The following FHIT variants were observed in gnomAD, a reference collection of about 807,000 sequenced individuals.
FHIT encodes the protein bis(5'-adenosyl)-triphosphatase.
Under a neutral mutation model 17.9 loss-of-function variants are expected in FHIT, and 19 were observed. The ratio of observed to expected loss-of-function variants is 1.06; its 90% confidence interval spans 0.74 to 1.56. The LOEUF (loss-of-function observed/expected upper bound fraction) is 1.56. FHIT is among the 40% of genes most tolerant of loss of function. FHIT has a pLI of 0.00. For missense variants in FHIT, 248 were observed against 189.2 expected (o/e 1.31, Z -1.82); for synonymous variants, 81 against 69.7 (o/e 1.16, Z -0.81).
In FHIT at chr3:59,981,401, TG is replaced by T. The variant is rs1341978781; in HGVS notation, c.279+29969del. Among the ~76,000 whole-genome samples, 6 of 152,282 alleles carry T rather than the reference TG, an allele frequency of 3.9e-5. No individual in the cohort carries two copies. The East Asian group carries it at 1.2e-3, about 29-fold the overall frequency. ...CATAAGGCAAAGGGCCTTCTGAAAA[TG>T]GGCCATTGCTTCTGTGACAAATTCA... On this transcript the variant is annotated intron_variant, in intron 7 of 9. Coordinates refer to ENST00000492590, the MANE Select transcript of FHIT (RefSeq NM_002012.4).
At chr3:59,908,102 C>A (rs951784068) in intron 8 of FHIT, among the ~76,000 whole-genome samples, 1 of 152,222 alleles carries the variant, frequency 6.6e-6, no homozygotes, top group Non-Finnish European at 1.5e-5. Flanking sequence ...TACCATCTAA[C>A]ATATTTACAG....
At chr3:60,719,557 C>G (rs1210078786) in intron 4 of FHIT, among the ~76,000 whole-genome samples, 1 of 152,180 alleles carries the variant, frequency 6.6e-6, no homozygotes, top group African/African-American at 2.4e-5. Flanking sequence ...TTTCTCTTCT[C>G]TAAGCCCTAG....
intron 2 of FHIT, among the ~76,000 whole-genome samples, chr3:61,181,676 T>A (rs1378078655): frequency 1.3e-5 from 2 of 152,266 alleles, no homozygotes; most frequent in East Asian, 1.9e-4. Flanking sequence ...GTAGTCCAAG[T>A]CGTCTAATGC....
intron 3 of FHIT, among the ~76,000 whole-genome samples, chr3:60,888,644 G>A (rs531581892): frequency 2.9e-4 from 44 of 152,110 alleles, no homozygotes; most frequent in African/African-American, 8.7e-4. Context: ...TTTCACAGCC[G>A]GCAACCAACT....
intron 5 of FHIT, among the ~76,000 whole-genome samples, chr3:60,249,813 G>A (rs7650713): frequency 2.0e-5 from 3 of 151,832 alleles, no homozygotes; most frequent in Non-Finnish European, 4.4e-5. Flanking sequence ...ATTTATAAAG[G>A]AAAGAGATTT....
intron 2 of FHIT, among the ~76,000 whole-genome samples, chr3:61,146,549 T>C (rs530868052): frequency 1.3e-5 from 2 of 152,228 alleles, no homozygotes; most frequent in Non-Finnish European, 1.5e-5. Context: ...AATTCTGTTA[T>C]ACAGGCAACA....
chr3:59,839,422 G>T (rs181973597), intron 8 of FHIT, among the ~76,000 whole-genome samples: 5 of 152,068 alleles, frequency 3.3e-5, no homozygotes, highest in Admixed American at 3.3e-4. Flanking sequence ...CAGTACAGCT[G>T]GTCTCCCCAG....
chr3:61,186,611 C>T (rs904650473), intron 2 of FHIT, among the ~76,000 whole-genome samples: 1 of 152,150 alleles, frequency 6.6e-6, no homozygotes, highest in Non-Finnish European at 1.5e-5. Context: ...ATATGTTTGT[C>T]CATTTACCCA....
Position 60,613,404 on chromosome 3 carries a change from T to G in FHIT, c.-17-76425A>C, listed in dbSNP as rs111774805. ...GTGAGAGATGGGCTGGGGAGTAAGG[T>G]AGACAAAAGGATCTAAAGAGTGGAG... On this transcript the variant is annotated intron_variant, in intron 4 of 9. Coordinates refer to ENST00000492590, the MANE Select transcript of FHIT (RefSeq NM_002012.4). 2.3e-3 allele frequency among the ~76,000 whole-genome samples: 355 copies of G among 152,130 alleles called. 1 individual carries two copies. Among genetic ancestry groups the G allele is most frequent in the African/African-American group, 8.2e-3 (341 of 41,512 alleles).
At chr3:59,861,447 G>T (rs958130197) in intron 8 of FHIT, among the ~76,000 whole-genome samples, 1 of 152,154 alleles carries the variant, frequency 6.6e-6, no homozygotes, top group African/African-American at 2.4e-5. Context: ...AGATGGAAGG[G>T]CTCAGTGCAA....
chr3:60,512,734 T>C (rs191625145), intron 5 of FHIT, among the ~76,000 whole-genome samples: 17 of 152,248 alleles, frequency 1.1e-4, no homozygotes, highest in African/African-American at 4.1e-4. Context: ...CAAAAATGGT[T>C]TAAATGAACC....
chr3:60,956,602 C>T (rs1387643078), intron 3 of FHIT, among the ~76,000 whole-genome samples: 1 of 152,116 alleles, frequency 6.6e-6, no homozygotes, highest in Non-Finnish European at 1.5e-5. Context: ...ATTAACCCAA[C>T]CAAGGTCAAA....
At chr3:59,890,462 T>G (rs572457628) in intron 8 of FHIT, among the ~76,000 whole-genome samples, 1 of 152,268 alleles carries the variant, frequency 6.6e-6, no homozygotes, top group East Asian at 1.9e-4. Flanking sequence ...AAAGGCTGGG[T>G]TTAGGGTTCC....
intron 5 of FHIT, among the ~76,000 whole-genome samples, chr3:60,354,118 ATAAT>A (rs761712521): frequency 5.1e-4 from 77 of 152,280 alleles, no homozygotes; most frequent in African/African-American, 1.6e-3. Context: ...CTCCTATGCT[ATAAT>A]TAATTTTTAT....
chr3:60,990,478 T>A (rs1450592466), intron 3 of FHIT, among the ~76,000 whole-genome samples: 1 of 152,230 alleles, frequency 6.6e-6, no homozygotes, highest in Non-Finnish European at 1.5e-5. Context: ...CCTTGTGACA[T>A]TTCTTATTTT....
At chr3:59,771,972 C>T (rs955693597) in intron 8 of FHIT, among the ~76,000 whole-genome samples, 1 of 152,146 alleles carries the variant, frequency 6.6e-6, no homozygotes, top group Non-Finnish European at 1.5e-5. Context: ...AGCTTTAAAG[C>T]CCACAAAGGA....
chr3:60,221,044 G>A (rs951132303), intron 5 of FHIT, among the ~76,000 whole-genome samples: 2 of 152,122 alleles, frequency 1.3e-5, no homozygotes, highest in African/African-American at 4.8e-5. Flanking sequence ...TTTGGTATAT[G>A]ATGGCTTTAT....
chr3:61,104,148 T>C (rs1281900740), intron 2 of FHIT, among the ~76,000 whole-genome samples: 1 of 152,154 alleles, frequency 6.6e-6, no homozygotes, highest in Non-Finnish European at 1.5e-5. Context: ...GTTTATGTGG[T>C]TGTTTTATAG....
Position 60,070,400 on chromosome 3 carries a change from C to T in FHIT, c.104-56248G>A, listed in dbSNP as rs148465403. 2.3e-3 allele frequency among the ~76,000 whole-genome samples: 345 copies of T among 152,308 alleles called. 3 individuals carry two copies. The highest frequency in any genetic ancestry group is 7.8e-3 in the African/African-American group (324 of 41,570). On this transcript the variant is annotated intron_variant, in intron 5 of 9. Transcript: ENST00000492590. ...TACTGGTTCTTTCAAAAAATATTTA[C>T]TGAGCACCTCAGCATGCCAGACTTC...
Sources: gnomAD v4.1 joint callset for allele counts (sites outside exome capture counted in the v4.1 genomes callset) on GRCh38, gnomAD v4.1.1 for gene constraint, MANE v1.5 for transcripts, NCBI Gene and HGNC (gene_info 2026-07-23, HGNC 2026-07-21) for gene names.